The following CHCHD3 variants were observed in gnomAD, a reference collection of about 807,000 sequenced individuals.
CHCHD3 encodes the protein MICOS complex subunit MIC19.
A neutral mutation model predicts 38.2 loss-of-function variants in CHCHD3; 20 were observed. The ratio of observed to expected loss-of-function variants is 0.52; its 90% confidence interval spans 0.37 to 0.76. CHCHD3 has a LOEUF of 0.76. CHCHD3 is among the 30% of genes least tolerant of loss of function. The probability of loss-of-function intolerance (pLI) is 0.00; values close to 1 mark genes in which losing one functional copy is unlikely to be tolerated. For synonymous variants in CHCHD3, 82 were observed against 100.0 expected, an observed-to-expected ratio of 0.82 and a Z score of 1.07; for missense variants, 245 against 279.2, an observed-to-expected ratio of 0.88 and a Z score of 0.87.
chr7:132,825,995 C>G (rs948696746), intron 6 of CHCHD3, among the ~76,000 whole-genome samples: 1 of 152,184 alleles, frequency 6.6e-6, no homozygotes, highest in Admixed American at 6.5e-5. Flanking sequence ...ATTGGCAATT[C>G]ATTTTTCATC....
intron 3 of CHCHD3, among the ~76,000 whole-genome samples, chr7:133,006,107 T>C (rs1812691596): frequency 6.6e-6 from 1 of 152,150 alleles, no homozygotes; most frequent in Non-Finnish European, 1.5e-5. Context: ...AATTAAAGTA[T>C]CTAAACTCCC....
At chr7:132,866,575 G>A (rs1808630971) in intron 5 of CHCHD3, among the ~76,000 whole-genome samples, 1 of 152,150 alleles carries the variant, frequency 6.6e-6, no homozygotes, top group Non-Finnish European at 1.5e-5. Context: ...AGAGAATCAT[G>A]GATGCATTTT....
At chr7:132,972,994 T>C in intron 4 of CHCHD3, 1 of 985,470 alleles carries the variant, frequency 1.0e-6, no homozygotes, top group Non-Finnish European at 1.2e-6. Flanking sequence ...TGTTGCTTAA[T>C]ATTTTAGTTA....
intron 1 of CHCHD3, among the ~76,000 whole-genome samples, chr7:133,074,839 CTGTGGAGGGATTT>C (rs1814930175): frequency 1.3e-5 from 2 of 152,128 alleles, no homozygotes; most frequent in Admixed American, 6.5e-5. Context: ...CCCAGAGATT[CTGTGGAGGGATTT>C]TAGTGTTTTG....
At chr7:133,003,955 TTA>T (rs1317686151) in intron 3 of CHCHD3, among the ~76,000 whole-genome samples, 1 of 148,908 alleles carries the variant, frequency 6.7e-6, no homozygotes, top group Non-Finnish European at 1.5e-5. Flanking sequence ...GAAAGATATC[TTA>T]AAGATTTTTT....
At chr7:133,036,371 A>C (rs1190166187) in intron 2 of CHCHD3, among the ~76,000 whole-genome samples, 1 of 152,254 alleles carries the variant, frequency 6.6e-6, no homozygotes, top group Non-Finnish European at 1.5e-5. Flanking sequence ...TTAAAAGAAT[A>C]GTATAAAATG....
chr7:132,812,086 G>C (rs964924600), intron 6 of CHCHD3, among the ~76,000 whole-genome samples: 6 of 151,770 alleles, frequency 4.0e-5, no homozygotes, highest in Admixed American at 3.9e-4. Context: ...CAAGATCAGG[G>C]AGTTGTCCTT....
intron 4 of CHCHD3, among the ~76,000 whole-genome samples, chr7:132,914,844 G>A (rs368651888): frequency 2.6e-5 from 4 of 152,122 alleles, no homozygotes; most frequent in Non-Finnish European, 5.9e-5. Flanking sequence ...CTGAGAAAGC[G>A]AAAATAAAGA....
chr7:132,883,579 T>A (rs542078890), intron 5 of CHCHD3, among the ~76,000 whole-genome samples: 2 of 152,196 alleles, frequency 1.3e-5, no homozygotes, highest in Non-Finnish European at 2.9e-5. Context: ...AATTTTGTGA[T>A]GTGTGAAAAC....
At position 133,035,991 on chromosome 7, in the gene CHCHD3, T is replaced by C; in HGVS notation, c.170-11364A>G. ...CAGGTAGGGGTCCTTAGGGGAACTGTTTTAATGAAACTAGTAATTAGAATA... is the reference window on the plus strand; with the variant it reads ...CAGGTAGGGGTCCTTAGGGGAACTGCTTTAATGAAACTAGTAATTAGAATA... On this transcript the variant is annotated intron_variant, in intron 2 of 7. Transcript: ENST00000262570. The surrounding 1 kb of genome is among the most constrained non-coding windows in gnomAD (Gnocchi z 4.7). 1 of 1,022,844 alleles carries C rather than the reference T, an allele frequency of 9.8e-7. No individual in the cohort carries two copies. The highest frequency in any genetic ancestry group is 1.6e-5 in the African/African-American group (1 of 63,000). 63.4% of individuals were successfully genotyped at this position (1,022,844 alleles called of 1,614,324 possible).
At chr7:132,814,924 G>A (rs1406144211) in intron 6 of CHCHD3, among the ~76,000 whole-genome samples, 1 of 152,138 alleles carries the variant, frequency 6.6e-6, no homozygotes, top group African/African-American at 2.4e-5. Flanking sequence ...ACTCCAATAT[G>A]AGCTAGGACT....
intron 6 of CHCHD3, among the ~76,000 whole-genome samples, chr7:132,831,832 C>T (rs1017389956): frequency 6.6e-6 from 1 of 152,056 alleles, no homozygotes; most frequent in Non-Finnish European, 1.5e-5. Flanking sequence ...TATAAATTTG[C>T]CAGTCAAAAC....
chr7:133,000,377 C>A (rs1429887058), intron 3 of CHCHD3, among the ~76,000 whole-genome samples: 1 of 152,112 alleles, frequency 6.6e-6, no homozygotes, highest in Non-Finnish European at 1.5e-5. Context: ...TATAGATGTT[C>A]ATTTAGAACA....
At chr7:132,792,554 A>G (rs1806488846) in intron 7 of CHCHD3, among the ~76,000 whole-genome samples, 1 of 152,208 alleles carries the variant, frequency 6.6e-6, no homozygotes, top group South Asian at 2.1e-4. Context: ...AGGCGAAGGC[A>G]CAAATACTGG....
At chr7:132,872,959 G>T (rs1706977291) in intron 5 of CHCHD3, among the ~76,000 whole-genome samples, 1 of 152,078 alleles carries the variant, frequency 6.6e-6, no homozygotes, top group South Asian at 2.1e-4. Flanking sequence ...AGTCATGGTG[G>T]TGCACGCTTG....
chr7:132,896,187 T>A (rs1007255759), intron 4 of CHCHD3, among the ~76,000 whole-genome samples: 1 of 152,178 alleles, frequency 6.6e-6, no homozygotes, highest in East Asian at 1.9e-4. Flanking sequence ...AGAAAATATA[T>A]AAAATATGTA....
intron 3 of CHCHD3, among the ~76,000 whole-genome samples, chr7:133,016,593 G>A (rs888902794): frequency 4.6e-5 from 7 of 152,112 alleles, no homozygotes; most frequent in African/African-American, 1.4e-4. Flanking sequence ...AACAGGAAAC[G>A]GTGCCAATGT....
chr7:132,818,268 C>T (rs1807256136), intron 6 of CHCHD3, among the ~76,000 whole-genome samples: 1 of 152,202 alleles, frequency 6.6e-6, no homozygotes, highest in Non-Finnish European at 1.5e-5. Context: ...TATCAATCTT[C>T]ATAAATGTGT....
At chr7:133,077,198 ATAACT>A (rs1354223646) in intron 1 of CHCHD3, among the ~76,000 whole-genome samples, 1 of 152,192 alleles carries the variant, frequency 6.6e-6, no homozygotes, top group Non-Finnish European at 1.5e-5. Context: ...AAAATCCTAG[ATAACT>A]TAAGATGGTA....
Sources: gnomAD v4.1 joint callset for allele counts (sites outside exome capture counted in the v4.1 genomes callset) on GRCh38, gnomAD v4.1.1 for gene constraint, Gnocchi (gnomAD v3.1) non-coding constraint, MANE v1.5 for transcripts, NCBI Gene and HGNC (gene_info 2026-07-23, HGNC 2026-07-21) for gene names.